Variants in ZNF100 observed in about 807,000 individuals in gnomAD.
The protein encoded by ZNF100 is zinc finger protein 100 (Y1).
ZNF100 carries 12 observed loss-of-function variants against 15.8 expected under a neutral mutation model. The ratio of observed to expected loss-of-function variants is 0.76; its 90% CI spans 0.49 to 1.23. The LOEUF is 1.23. Among genes scored for constraint, ZNF100 ranks in the 50% most tolerant of loss-of-function variants. The probability of loss-of-function intolerance (pLI) is 0.00; values close to 1 mark genes in which losing one functional copy is unlikely to be tolerated. For missense variants in ZNF100, 670 were observed against 635.6 expected, an observed-to-expected ratio of 1.05 and a Z score of -0.58; for synonymous variants, 226 against 214.8, an observed-to-expected ratio of 1.05 and a Z score of -0.45.
At chr19:21,742,436 G>A (rs1256118735) in intron 4 of ZNF100, among the ~76,000 whole-genome samples, 1 of 137,784 alleles carries the variant, frequency 7.3e-6, no homozygotes, top group Non-Finnish European at 1.5e-5. Context: ...AGAGGTTGCA[G>A]TGAGCTGAGA....
intron 2 of ZNF100, among the ~76,000 whole-genome samples, chr19:21,759,346 G>GT (rs2036442693): frequency 6.6e-6 from 1 of 152,120 alleles, no homozygotes; most frequent in Non-Finnish European, 1.5e-5. Context: ...GATAACCCTG[G>GT]TAAATAGCTG....
intron 3 of ZNF100, among the ~76,000 whole-genome samples, chr19:21,744,533 C>T (rs1295259170): frequency 4.6e-5 from 7 of 151,978 alleles, no homozygotes; most frequent in East Asian, 1.9e-4. Context: ...CCACCATGCC[C>T]GGCTATTTCT....
At position 21,727,212 on chromosome 19, in the gene ZNF100, T is replaced by C. The variant is rs2035814259; in HGVS notation, c.1100A>G (p.His367Arg). The change falls in exon 5 of 5, where the codon CAT becomes CGT. Residue 367 changes from histidine (H) to arginine (R), a missense_variant. Physicochemically the swap from His to Arg is conservative, Grantham distance 29. Transcript: ENST00000358296. ...SSTLTTHKITHAGEKPYKCEE... is the reference protein window; with the variant it reads ...SSTLTTHKITRAGEKPYKCEE... The stretch of plus-strand genomic sequence containing the variant: ...ACATTTGTAAGGTTTCTCTCCAGCA[T>C]GAGTTATCTTATGTGTAGTAAGGGT... The C allele has an allele frequency of 1.2e-6, 2 of 1,613,140 alleles. No homozygotes were observed. Among genetic ancestry groups the C allele is most frequent in the African/African-American group, 2.7e-5 (2 of 74,900 alleles).
In ZNF100 at chr19:21,726,784, C is replaced by T. The variant is rs759635183; in HGVS notation, c.1528G>A (p.Glu510Lys). The change falls in exon 5 of 5, where the codon GAG becomes AAG. Residue 510 changes from glutamate to lysine, a missense_variant. Coordinates refer to ENST00000358296, the MANE Select transcript of ZNF100 (RefSeq NM_173531.4). Reference sequence around the variant, plus strand: ...CATTCTTCCCATTTGTAAGATTTCTCTCCAGTATGAGTTATCTTATGTTTA... The same window carrying T: ...CATTCTTCCCATTTGTAAGATTTCTTTCCAGTATGAGTTATCTTATGTTTA... ...LTKHKITHTGEKSYKWEECGK... is the reference protein window; with the variant it reads ...LTKHKITHTGKKSYKWEECGK... The T allele has an allele frequency of 3.7e-6, 6 of 1,613,626 alleles. No individual in the cohort carries two copies. The highest frequency in any genetic ancestry group is 3.3e-5 in the South Asian group (3 of 91,080).
chr19:21,730,751 C>A (rs2035901860), intron 4 of ZNF100, among the ~76,000 whole-genome samples: 1 of 151,650 alleles, frequency 6.6e-6, no homozygotes, highest in African/African-American at 2.4e-5. Flanking sequence ...ACATGTTAGG[C>A]CAAAAAAGAA....
intron 2 of ZNF100, among the ~76,000 whole-genome samples, chr19:21,747,941 A>G (rs770454575): frequency 2.0e-5 from 3 of 151,246 alleles, no homozygotes; most frequent in Non-Finnish European, 2.9e-5. Flanking sequence ...GCCCAGCATT[A>G]TTACTTCTTC....
At chr19:21,758,185 C>G (rs1373068229) in intron 2 of ZNF100, among the ~76,000 whole-genome samples, 1 of 151,770 alleles carries the variant, frequency 6.6e-6, no homozygotes, top group Non-Finnish European at 1.5e-5. Flanking sequence ...AAAACTCATG[C>G]AGAACACAAA....
At chr19:21,753,400 CCT>C (rs927302947) in intron 2 of ZNF100, 2 of 151,914 alleles carry the variant, frequency 1.3e-5, no homozygotes, top group East Asian at 1.9e-4. Flanking sequence ...ACAGTGAGCC[CCT>C]GTCTGTAAAA....
At position 21,730,803 on chromosome 19, in the gene ZNF100, T is replaced by C. The variant is rs868126544; in HGVS notation, c.323-2814A>G. ...TAAGACTGAGATTGTATGGATTATATTACATGAACAAAATGGGAGTATAAA... is the reference window on the plus strand; with the variant it reads ...TAAGACTGAGATTGTATGGATTATACTACATGAACAAAATGGGAGTATAAA... On this transcript the variant is annotated intron_variant, in intron 4 of 4. Transcript: ENST00000358296. Among the ~76,000 whole-genome samples the C allele has an allele frequency of 2.0e-5, 3 of 152,156 alleles. No individual in the cohort carries two copies. In the South Asian group the frequency reaches 6.2e-4, roughly 32 times the overall value.
chr19:21,762,743 T>C (rs939106836), intron 2 of ZNF100, among the ~76,000 whole-genome samples: 1 of 152,176 alleles, frequency 6.6e-6, no homozygotes. Flanking sequence ...GTCAGAGGCA[T>C]ATTGAACCAA....
At chr19:21,746,091 G>A (rs1313177728) in intron 2 of ZNF100, among the ~76,000 whole-genome samples, 1 of 152,228 alleles carries the variant, frequency 6.6e-6, no homozygotes, top group East Asian at 1.9e-4. Context: ...ACTCTGTAGT[G>A]AAAGAAATAT....
intron 4 of ZNF100, among the ~76,000 whole-genome samples, chr19:21,728,243 T>C (rs1350310302): frequency 6.6e-6 from 1 of 152,106 alleles, no homozygotes; most frequent in African/African-American, 2.4e-5. Context: ...TAAAAGTCTG[T>C]ACATTTACCC....
At chr19:21,748,298 T>C (rs2036245940) in intron 2 of ZNF100, among the ~76,000 whole-genome samples, 1 of 152,184 alleles carries the variant, frequency 6.6e-6, no homozygotes, top group South Asian at 2.1e-4. Context: ...ATCAGTTCTG[T>C]AAGGCAAGAC....
Position 21,726,806 on chromosome 19 carries a change from T to G in ZNF100, c.1506A>C (p.Lys502Asn). ...KAFNRSSTLTKHKITHTGEKS... is the reference protein window; with the variant it reads ...KAFNRSSTLTNHKITHTGEKS... ...TCTCTCCAGTATGAGTTATCTTATG[T>G]TTAGTAAGGGTTGAGGATCGGTTAA... Residue 502 changes from lysine (K) to asparagine (N), a missense_variant, in exon 5 of 5, where the codon AAA (lysine) becomes AAC (asparagine). By Grantham distance (94) the Lys-to-Asn change is moderately conservative. Coordinates refer to ENST00000358296, the MANE Select transcript of ZNF100 (RefSeq NM_173531.4). 1.2e-6 allele frequency: 2 copies of G among 1,613,884 alleles called. No homozygotes were observed. Among genetic ancestry groups the G allele is most frequent in the South Asian group, 2.2e-5 (2 of 91,074 alleles).
chr19:21,751,803 TAG>T, intron 2 of ZNF100: 1 of 1,134,182 alleles, frequency 8.8e-7, no homozygotes, highest in South Asian at 1.5e-5. Context: ...GCACAGAACC[TAG>T]AGGCTATTTC....
At chr19:21,747,216 C>T (rs1207804581) in intron 2 of ZNF100, among the ~76,000 whole-genome samples, 1 of 152,170 alleles carries the variant, frequency 6.6e-6, no homozygotes, top group Non-Finnish European at 1.5e-5. Context: ...GCAAAGGTGG[C>T]ACTTAACTCT....
intron 2 of ZNF100, among the ~76,000 whole-genome samples, chr19:21,745,712 C>T (rs1455292880): frequency 5.3e-5 from 8 of 151,982 alleles, no homozygotes; most frequent in South Asian, 4.2e-4. Flanking sequence ...TTAGTAGAGA[C>T]GGGGTTTCAC....
chr19:21,764,538 G>A (rs905422090), intron 2 of ZNF100, among the ~76,000 whole-genome samples: 2 of 151,932 alleles, frequency 1.3e-5, no homozygotes, highest in African/African-American at 4.8e-5. Flanking sequence ...TACTCAGGAG[G>A]CTGAGGCAGG....
intron 2 of ZNF100, chr19:21,751,017 C>A: frequency 7.8e-7 from 1 of 1,274,146 alleles, no homozygotes; most frequent in Non-Finnish European, 1.1e-6. Flanking sequence ...TCGCAGCGGG[C>A]GAGGGCCACC....
Sources: allele counts gnomAD v4.1 joint callset (sites outside exome capture counted in the v4.1 genomes callset), GRCh38; gene constraint gnomAD v4.1.1; transcripts MANE v1.5; gene names NCBI Gene and HGNC (gene_info 2026-07-23, HGNC 2026-07-21).